Variants in ANO6 observed in about 807,000 individuals in gnomAD.
ANO6 encodes anoctamin-6.
ANO6 carries 106 observed loss-of-function variants against 117.5 expected under a neutral mutation model. The observed-to-expected ratio is 0.90, with a 90% CI of 0.77 to 1.06. The LOEUF (loss-of-function observed/expected upper bound fraction) is 1.06. Ranked by LOEUF, ANO6 falls within the 50% of genes least tolerant of loss-of-function variation. The pLI is 0.00. For missense variants in ANO6, 955 were observed against 1,121.1 expected, an observed-to-expected ratio of 0.85 and a Z score of 2.12; for synonymous variants, 367 against 385.1, an observed-to-expected ratio of 0.95 and a Z score of 0.55.
intron 1 of ANO6, among the ~76,000 whole-genome samples, chr12:45,264,220 T>A (rs575829559): frequency 2.0e-5 from 3 of 152,254 alleles, no homozygotes; most frequent in Non-Finnish European, 4.4e-5. Context: ...ACATCTTGAT[T>A]CCTGATTTTG....
rs781511151 is a variant in ANO6 at position 45,421,084 on chromosome 12, C to T, written c.2231C>T (p.Ala744Val). ...CTCCCAAAATAGGCCATGATCATAG[C>T]TTTCACGTCGGACATGATCCCCCGC... ...LAVVTNAMII[A>V]FTSDMIPRLV... The change falls in exon 18 of 20, where the codon GCT becomes GTT. Residue 744 changes from alanine to valine, a missense_variant. Transcript: ENST00000320560. The T allele has an allele frequency of 7.4e-6, 12 of 1,614,180 alleles. No individual in the cohort carries two copies. In the South Asian group the frequency reaches 1.3e-4, roughly 18 times the overall value.
chr12:45,316,500 A>G (rs1313303377), intron 2 of ANO6, among the ~76,000 whole-genome samples: 1 of 152,092 alleles, frequency 6.6e-6, no homozygotes, highest in Non-Finnish European at 1.5e-5. Context: ...AATGGAATAC[A>G]ATTTAAAATG....
intron 17 of ANO6, among the ~76,000 whole-genome samples, 178 bp downstream of exon 17, chr12:45,417,082 AATT>A (rs1943233234): frequency 6.6e-6 from 1 of 152,166 alleles, no homozygotes; most frequent in African/African-American, 2.4e-5. Context: ...TTTTGTATAT[AATT>A]ATTTTTAACT....
Position 45,387,978 on chromosome 12 carries a change from C to G in ANO6, c.1166-183C>G, listed in dbSNP as rs112974938. Among the ~76,000 whole-genome samples, 1,365 of 152,270 alleles carry G rather than the reference C, an allele frequency of 9.0e-3. 17 individuals are homozygous for G. The highest frequency in any genetic ancestry group is 0.03 in the African/African-American group (1,226 of 41,544). The stretch of plus-strand genomic sequence containing the variant: ...TGATTTTAAGTTTCCTGAGGCCTCC[C>G]CAGCCATGCAGAACTGTGAGTCAAT... On this transcript the variant is annotated intron_variant, in intron 10 of 19. Coordinates refer to ENST00000320560, the MANE Select transcript of ANO6 (RefSeq NM_001025356.3).
At chr12:45,380,711 C>T (rs920788595) in intron 10 of ANO6, among the ~76,000 whole-genome samples, 2 of 152,164 alleles carry the variant, frequency 1.3e-5, no homozygotes, top group Non-Finnish European at 2.9e-5. Context: ...TGGTGGCTCA[C>T]GCCTGCAATC....
chr12:45,371,096 G>A (rs1367051288), intron 9 of ANO6, among the ~76,000 whole-genome samples: 1 of 152,218 alleles, frequency 6.6e-6, no homozygotes, highest in Non-Finnish European at 1.5e-5. Flanking sequence ...AGAAAGGGGT[G>A]ACGAACGGCA....
intron 1 of ANO6, among the ~76,000 whole-genome samples, chr12:45,240,418 A>G (rs1282226984): frequency 1.2e-5 from 1 of 85,006 alleles, no homozygotes; most frequent in African/African-American, 4.4e-5. Context: ...ATCTTCCTCC[A>G]TCCTTTATTT....
intron 2 of ANO6, among the ~76,000 whole-genome samples, chr12:45,317,147 G>T (rs1940072148): frequency 5.3e-5 from 2 of 37,930 alleles, no homozygotes; most frequent in Non-Finnish European, 1.1e-4. Flanking sequence ...TATACTTTAA[G>T]TTCCAGGGTA....
At chr12:45,343,912 T>G (rs1941052180) in intron 3 of ANO6, among the ~76,000 whole-genome samples, 1 of 151,668 alleles carries the variant, frequency 6.6e-6, no homozygotes, top group African/African-American at 2.4e-5. Flanking sequence ...TTGGCCTGGC[T>G]TTGCATCACT....
At chr12:45,326,065 A>G (rs1311304436) in intron 2 of ANO6, among the ~76,000 whole-genome samples, 1 of 152,172 alleles carries the variant, frequency 6.6e-6, no homozygotes, top group African/African-American at 2.4e-5. Context: ...AACTAGAGGG[A>G]AATATTTAAT....
intron 15 of ANO6, among the ~76,000 whole-genome samples, chr12:45,403,894 C>A (rs1942864753): frequency 6.6e-6 from 1 of 152,102 alleles, no homozygotes; most frequent in African/African-American, 2.4e-5. Flanking sequence ...TCCTCATATC[C>A]TTCTCCTCTC....
intron 2 of ANO6, among the ~76,000 whole-genome samples, chr12:45,314,531 AATAT>A (rs558388337): frequency 2.0e-5 from 3 of 150,838 alleles, no homozygotes; most frequent in African/African-American, 7.3e-5. Context: ...ATATCTACCA[AATAT>A]ATATATACAC....
In ANO6 at chr12:45,263,368, T is replaced by C. The variant is rs918359167; in HGVS notation, c.71-38646T>C. Among the ~76,000 whole-genome samples, 4 of 10,392 alleles carry C rather than the reference T, an allele frequency of 3.8e-4. No individual in the cohort carries two copies. The Non-Finnish European group carries it at 5.3e-3, about 14-fold the overall frequency. 6.8% of individuals were successfully genotyped at this position (10,392 alleles called of 152,430 possible). A position where few individuals can be genotyped will look rare whatever the true frequency, so the allele number is the denominator to read the frequency against. On this transcript the variant is annotated intron_variant, in intron 1 of 19. Coordinates refer to ENST00000320560, the MANE Select transcript of ANO6 (RefSeq NM_001025356.3). ...TACAACCATCATGCCTGGCCTGGCCTTTTTTTTTTTTTTTTTTTTTTCCTG... is the reference window on the plus strand; with the variant it reads ...TACAACCATCATGCCTGGCCTGGCCCTTTTTTTTTTTTTTTTTTTTTCCTG...
rs533359241 is a variant in ANO6, at chr12:45,355,931, G to A, written c.864-1359G>A. 1.1e-4 allele frequency among the ~76,000 whole-genome samples: 16 copies of A among 152,274 alleles called. No individual in the cohort carries two copies. The East Asian group carries it at 1.4e-3, about 13-fold the overall frequency. On this transcript the variant is annotated intron_variant, in intron 7 of 19. Transcript: ENST00000320560. Reference sequence around the variant, plus strand: ...CTCCATACTGAGCCTGAAGTCTCACGTAGGCCTCAGAGTTAAGTAAATCTC... The same window carrying A: ...CTCCATACTGAGCCTGAAGTCTCACATAGGCCTCAGAGTTAAGTAAATCTC...
rs1414651269 is a variant in ANO6, at chr12:45,375,944, G to A, written c.1105-2109G>A. ...ACCTACAGAATGGGAGAAAATTTTC[G>A]CAACCTACTCATCTGACAAAGGGCT... is the stretch of plus-strand genomic sequence containing the variant. On this transcript the variant is annotated intron_variant, in intron 9 of 19. Transcript: ENST00000320560. 3.3e-3 allele frequency among the ~76,000 whole-genome samples: 488 copies of A among 145,982 alleles called. 3 individuals carry two copies. The highest frequency in any genetic ancestry group is 0.012 in the African/African-American group (468 of 38,550).
intron 1 of ANO6, among the ~76,000 whole-genome samples, chr12:45,264,912 T>C (rs1365008148): frequency 6.6e-6 from 1 of 152,194 alleles, no homozygotes; most frequent in Non-Finnish European, 1.5e-5. Context: ...CAATATCAAG[T>C]GGTAATTGTG....
At chr12:45,403,411 A>C in intron 14 of ANO6, 28 bp from the exon 15 acceptor site, 3 of 1,571,236 alleles carry the variant, frequency 1.9e-6, no homozygotes, top group Non-Finnish European at 2.6e-6. Flanking sequence ...TTGAATATTT[A>C]AATGGTATTT....
At chr12:45,241,051 T>A (rs1947735176) in intron 1 of ANO6, among the ~76,000 whole-genome samples, 1 of 152,182 alleles carries the variant, frequency 6.6e-6, no homozygotes, top group South Asian at 2.1e-4. Flanking sequence ...TCTTGAGGAG[T>A]ATCTTTGTGG....
chr12:45,304,176 T>G (rs1939589742), intron 2 of ANO6, among the ~76,000 whole-genome samples: 1 of 152,186 alleles, frequency 6.6e-6, no homozygotes, highest in Non-Finnish European at 1.5e-5. Context: ...ACAGTAAACA[T>G]AAACTGCTGT....
Sources: gnomAD v4.1 joint callset for allele counts (sites outside exome capture counted in the v4.1 genomes callset) on GRCh38, gnomAD v4.1.1 for gene constraint, MANE v1.5 for transcripts, NCBI Gene and HGNC (gene_info 2026-07-23, HGNC 2026-07-21) for gene names.